ABCG1: variants seen among roughly 807,000 people sequenced by gnomAD.
ABCG1 encodes ATP-binding cassette sub-family G member 1.
ABCG1 carries 29 observed loss-of-function variants against 69.2 expected under a neutral mutation model. The observed-to-expected ratio is 0.42, with a 90% CI of 0.31 to 0.57. The LOEUF is 0.57. Ranked by LOEUF, ABCG1 falls within the 20% of genes least tolerant of loss-of-function variation. ABCG1 has a pLI of 0.15. For synonymous variants in ABCG1, 370 were observed against 374.8 expected (o/e 0.99, Z 0.15); for missense variants, 718 against 898.1 (o/e 0.80, Z 2.56).
intron 13 of ABCG1, among the ~76,000 whole-genome samples, chr21:42,292,508 G>T (rs1197538901): frequency 6.6e-6 from 1 of 151,988 alleles, no homozygotes; most frequent in East Asian, 1.9e-4. Flanking sequence ...CTCAGGCTCC[G>T]CAGGGGTCAC....
intron 6 of ABCG1, among the ~76,000 whole-genome samples, chr21:42,282,716 G>A (rs548686434): frequency 1.3e-5 from 2 of 152,352 alleles, no homozygotes; most frequent in South Asian, 4.1e-4. Flanking sequence ...CCGTGGCTCA[G>A]CCACTCTGAG....
chr21:42,293,882 C>A (rs2069147400), intron 13 of ABCG1, among the ~76,000 whole-genome samples: 1 of 150,718 alleles, frequency 6.6e-6, no homozygotes, highest in African/African-American at 2.4e-5. Context: ...ACACCACACA[C>A]CACACACTCC....
Position 42,271,084 on chromosome 21 carries a change from C to G in ABCG1, c.301C>G (p.Leu101Val). 1 of 1,552,726 alleles carries G rather than the reference C, an allele frequency of 6.4e-7. No homozygotes were observed. Among genetic ancestry groups the G allele is most frequent in the Non-Finnish European group, 8.7e-7 (1 of 1,154,136 alleles). ...CTTTTTTGCAGGATACAAGACCCTC[C>G]TGAAAGGAATTTCCGGGAAGTTCAA... ...WWRKKGYKTL[L>V]KGISGKFNSG... is the part of the protein sequence containing the mutation. The change falls in exon 3 of 15, where the codon CTG becomes GTG. Residue 101 changes from leucine (L) to valine (V), a missense_variant. Transcript: ENST00000398449.
chr21:42,219,323 C>A lies in ABCG1; in HGVS notation c.42+19C>A. The A allele has an allele frequency of 6.3e-7, 1 of 1,597,460 alleles. No homozygotes were observed. The highest frequency in any genetic ancestry group is 8.5e-7 in the Non-Finnish European group (1 of 1,174,972). ...CGCCATGGTGAGTGAGCGCATCCTTCGTCCGCCGGGAACGGTTTTATTTTC... is the reference window on the plus strand; with the variant it reads ...CGCCATGGTGAGTGAGCGCATCCTTAGTCCGCCGGGAACGGTTTTATTTTC... On this transcript the variant is annotated intron_variant, in intron 1 of 14. Coordinates refer to ENST00000398449, the MANE Select transcript of ABCG1 (RefSeq NM_016818.3). The surrounding 1 kb of genome is among the most constrained non-coding windows in gnomAD (Gnocchi z 5.3).
In ABCG1 at chr21:42,296,086, G is replaced by A. The variant is rs1227451833; in HGVS notation, c.1773-78G>A. 8.8e-6 allele frequency: 11 copies of A among 1,255,088 alleles called. 1 individual carries two copies. The Admixed American group carries it at 1.9e-4, about 22-fold the overall frequency. The allele number at this position is 1,255,088 out of a possible 1,614,324, so 77.7% of individuals were successfully genotyped here. On this transcript the variant is annotated intron_variant, in intron 14 of 14. Transcript: ENST00000398449. The surrounding 1 kb of genome is among the most constrained non-coding windows in gnomAD (Gnocchi z 5.4). ...AGCCAAGCTGGGAATCGCAGGGAGG[G>A]TGAACGACATTGACCTTCAGCCAAC...
rs577089241 is a variant in ABCG1, at chr21:42,264,055, C to G, written c.287-7015C>G. Among the ~76,000 whole-genome samples, 8 of 152,310 alleles carry G rather than the reference C, an allele frequency of 5.3e-5. No homozygotes were observed. The South Asian group carries it at 1.7e-3, about 32-fold the overall frequency. On this transcript the variant is annotated intron_variant, in intron 2 of 14. Coordinates refer to ENST00000398449, the MANE Select transcript of ABCG1 (RefSeq NM_016818.3). ...CATGGAGCTGACATTCTCAGGGCCT[C>G]CAGGGCAGTGACAGAGCTGGAAGCA... is the stretch of plus-strand genomic sequence containing the variant.
Position 42,277,000 on chromosome 21 carries a change from T to G in ABCG1, c.588+55T>G, listed in dbSNP as rs148465364. ...GTCCAGAAAGTGCATGACGTGCATG[T>G]GGAAGGTGTGCCTGCCGGGGCATTT... On this transcript the variant is annotated intron_variant, in intron 5 of 14. Coordinates refer to ENST00000398449, the MANE Select transcript of ABCG1 (RefSeq NM_016818.3). The surrounding 1 kb of genome is among the most constrained non-coding windows in gnomAD (Gnocchi z 5.3). 9,764 of 1,585,126 alleles carry G rather than the reference T, an allele frequency of 6.2e-3. 37 individuals are homozygous for G. Among genetic ancestry groups the G allele is most frequent in the Non-Finnish European group, 7.1e-3 (8,166 of 1,154,726 alleles).
intron 2 of ABCG1, among the ~76,000 whole-genome samples, chr21:42,251,102 C>T (rs1348054905): frequency 2.6e-5 from 4 of 152,214 alleles, no homozygotes; most frequent in Admixed American, 1.3e-4. Context: ...CAGAGGCCCA[C>T]GGTCGGTCGG....
At chr21:42,213,486 G>C (rs1468470275), upstream of ABCG1, among the ~76,000 whole-genome samples, 2 of 152,268 alleles carry the variant, frequency 1.3e-5, no homozygotes, top group East Asian at 1.9e-4. Context: ...CCACTGCAGA[G>C]AGCCCCCACC....
In ABCG1 at chr21:42,260,106, G is replaced by A. The variant is rs1196183021; in HGVS notation, c.287-10964G>A. On this transcript the variant is annotated intron_variant, in intron 2 of 14. Transcript: ENST00000398449. Reference sequence around the variant, plus strand: ...AGCTCATGGGGCAGGAAGGGCCTATGGTTGGGGGTTTCCTGGCGATCCCAT... The same window carrying A: ...AGCTCATGGGGCAGGAAGGGCCTATAGTTGGGGGTTTCCTGGCGATCCCAT... 9.7e-6 allele frequency: 15 copies of A among 1,550,522 alleles called. No homozygotes were observed. In the African/African-American group the frequency reaches 1.8e-4, roughly 18 times the overall value.
rs760071193 is a variant in ABCG1 at position 42,296,321 on chromosome 21, G to C, written c.1930G>C (p.Gly644Arg). ...GCTGTACCTGGACTTCATCGTACTC[G>C]GGATTTTCTTCATCTCCCTCCGCCT... The part of the protein sequence containing the change: ...AKLYLDFIVL[G>R]IFFISLRLIA... The change falls in exon 15 of 15, where the codon GGG becomes CGG. Residue 644 changes from glycine to arginine, a missense_variant. Gly to Arg is a moderately radical substitution (Grantham distance 125). Coordinates refer to ENST00000398449, the MANE Select transcript of ABCG1 (RefSeq NM_016818.3). This position sits in a 1 kb window ranked among gnomAD's most constrained non-coding sequence, Gnocchi z 5.4. The C allele has an allele frequency of 6.2e-7, 1 of 1,614,122 alleles. No individual in the cohort carries two copies. Among genetic ancestry groups the C allele is most frequent in the Non-Finnish European group, 8.5e-7 (1 of 1,180,036 alleles).
intron 2 of ABCG1, among the ~76,000 whole-genome samples, chr21:42,231,766 GGGATGGA>G (rs2067904542): frequency 6.6e-6 from 1 of 152,238 alleles, no homozygotes; most frequent in Admixed American, 6.5e-5. Flanking sequence ...AGGCTGAAGG[GGGATGGA>G]TAGTTCCCTA....
At chr21:42,215,889 T>TG (rs2067634316), upstream of ABCG1, among the ~76,000 whole-genome samples, 1 of 152,182 alleles carries the variant, frequency 6.6e-6, no homozygotes, top group South Asian at 2.1e-4. Flanking sequence ...CACTTAATAA[T>TG]GGAGTGGGTT....
chr21:42,236,396 C>T (rs1452099336), intron 2 of ABCG1, among the ~76,000 whole-genome samples: 2 of 152,190 alleles, frequency 1.3e-5, no homozygotes. Flanking sequence ...TTTGAGTATC[C>T]GCAAGGCCTG....
chr21:42,214,500 G>A (rs58913440), upstream of ABCG1, among the ~76,000 whole-genome samples: 11,048 of 152,326 alleles, frequency 0.073, 514 homozygotes, highest in East Asian at 0.22. Context: ...GGGCCAGGCT[G>A]ACCAGAAGGG....
At chr21:42,243,929 C>T (rs1289088216) in intron 2 of ABCG1, among the ~76,000 whole-genome samples, 1 of 150,828 alleles carries the variant, frequency 6.6e-6, no homozygotes, top group African/African-American at 2.4e-5. Flanking sequence ...CGCCATTCTC[C>T]TGCCTCAGCC....
At chr21:42,282,542 C>A in intron 6 of ABCG1, 123 bp downstream of exon 6, 2 of 1,180,170 alleles carry the variant, frequency 1.7e-6, no homozygotes, top group Non-Finnish European at 2.3e-6. Flanking sequence ...GCTCACCCGG[C>A]GGTTCCTCCT....
rs2069056171 is a variant in ABCG1, at chr21:42,291,399, C to CG, written c.1495-96dup. 6 of 1,491,790 alleles carry CG rather than the reference C, an allele frequency of 4.0e-6. No individual in the cohort carries two copies. The highest frequency in any genetic ancestry group is 5.5e-6 in the Non-Finnish European group (6 of 1,098,806). 92.4% of individuals were successfully genotyped at this position (1,491,790 alleles called of 1,614,324 possible). A position where few individuals can be genotyped will look rare whatever the true frequency, so the allele number is the denominator to read the frequency against. ...AAGGACCCGACTTTGGGAGCTCTGG[C>CG]GGGAGCTGCGGGGAAGGGCTGGCTG... is the stretch of plus-strand genomic sequence containing the variant. On this transcript the variant is annotated intron_variant, in intron 12 of 14. Transcript: ENST00000398449. This position sits in a 1 kb window ranked among gnomAD's most constrained non-coding sequence, Gnocchi z 6.4.
At chr21:42,223,053 C>T (rs745377117) in intron 1 of ABCG1, among the ~76,000 whole-genome samples, 26 of 152,202 alleles carry the variant, frequency 1.7e-4, no homozygotes, top group Non-Finnish European at 2.4e-4. Context: ...ATGCAAAACC[C>T]GTAACCAAGT....
Sources: gnomAD v4.1 joint callset for allele counts (sites outside exome capture counted in the v4.1 genomes callset) on GRCh38, gnomAD v4.1.1 for gene constraint, Gnocchi (gnomAD v3.1) non-coding constraint, MANE v1.5 for transcripts, NCBI Gene and HGNC (gene_info 2026-07-23, HGNC 2026-07-21) for gene names.